The following PDZRN4 variants were observed in gnomAD, a reference collection of about 807,000 sequenced individuals.
PDZRN4 encodes PDZ domain containing ring finger 4, also known as PDZ domain-containing RING finger protein 4.
A neutral mutation model predicts 99.0 loss-of-function variants in PDZRN4; 70 were observed. The ratio of observed to expected loss-of-function variants is 0.71; its 90% CI spans 0.58 to 0.86. The LOEUF is 0.86. PDZRN4 is among the 40% of genes least tolerant of loss of function. The probability of loss-of-function intolerance (pLI) is 0.00; values close to 1 mark genes in which losing one functional copy is unlikely to be tolerated. For synonymous variants in PDZRN4, 551 were observed against 501.6 expected (o/e 1.10, Z -1.32); for missense variants, 1,474 against 1,331.2 (o/e 1.11, Z -1.67).
chr12:41,374,216 A>G (rs1459332628), intron 3 of PDZRN4, among the ~76,000 whole-genome samples: 1 of 152,174 alleles, frequency 6.6e-6, no homozygotes, highest in African/African-American at 2.4e-5. Flanking sequence ...ATGCAGGTAC[A>G]GTGAGAAATC....
At chr12:41,477,957 C>G in intron 3 of PDZRN4, 1 of 1,308,000 alleles carries the variant, frequency 7.6e-7, no homozygotes, top group Non-Finnish European at 1.1e-6. Flanking sequence ...TCATATTATT[C>G]TCTTGCTTAT....
At chr12:41,425,157 C>T (rs1006638900) in intron 3 of PDZRN4, among the ~76,000 whole-genome samples, 2 of 152,170 alleles carry the variant, frequency 1.3e-5, no homozygotes, top group African/African-American at 4.8e-5. Context: ...TTATACCAGG[C>T]AATGCAAATG....
intron 4 of PDZRN4, 34 bp from the exon 5 acceptor site, chr12:41,509,777 A>C: frequency 1.0e-6 from 1 of 972,228 alleles, no homozygotes; most frequent in Non-Finnish European, 1.6e-6. Flanking sequence ...AACCCATTTA[A>C]TCTATTCCTA....
Position 41,573,368 on chromosome 12 carries a change from C to G in PDZRN4, c.2589C>G (p.Val863=). The change falls in exon 10 of 10, where the codon GTC becomes GTG. Residue 863 remains valine (V), a synonymous_variant. Transcript: ENST00000402685. The stretch of plus-strand genomic sequence containing the variant: ...AGTTAATTCAACAGAAATCTGCAGT[C>G]GAGTATGCTCAGAGTCAGCTCAGCT... The part of the protein sequence containing the change: ...YMQLIQQKSA[V]EYAQSQLSLV... 1 of 1,613,258 alleles carries G rather than the reference C, an allele frequency of 6.2e-7. No homozygotes were observed. The highest frequency in any genetic ancestry group is 8.5e-7 in the Non-Finnish European group (1 of 1,180,016).
At chr12:41,533,064 GT>G (rs1328261255) in intron 5 of PDZRN4, among the ~76,000 whole-genome samples, 1 of 151,828 alleles carries the variant, frequency 6.6e-6, no homozygotes, top group African/African-American at 2.4e-5. Flanking sequence ...TAATAGATTT[GT>G]CAAAGTCTAC....
At chr12:41,551,343 C>T (rs942155026) in intron 5 of PDZRN4, among the ~76,000 whole-genome samples, 1 of 152,086 alleles carries the variant, frequency 6.6e-6, no homozygotes, top group African/African-American at 2.4e-5. Context: ...AAAGTCCCCA[C>T]CTCCTTGGTA....
intron 5 of PDZRN4, among the ~76,000 whole-genome samples, chr12:41,527,441 TG>T (rs1381714698): frequency 2.6e-5 from 4 of 152,166 alleles, no homozygotes; most frequent in Non-Finnish European, 5.9e-5. Flanking sequence ...GACCCATTTT[TG>T]TAGGAATTTG....
chr12:41,536,843 T>A (rs1385562605), intron 5 of PDZRN4, among the ~76,000 whole-genome samples: 1 of 152,044 alleles, frequency 6.6e-6, no homozygotes, highest in Admixed American at 6.5e-5. Context: ...TAGTATTTAC[T>A]GTTATTTTGT....
intron 3 of PDZRN4, among the ~76,000 whole-genome samples, chr12:41,361,973 G>T (rs1951966408): frequency 6.6e-6 from 1 of 151,958 alleles, no homozygotes; most frequent in South Asian, 2.1e-4. Flanking sequence ...CCATTTGTTG[G>T]CATTATCAGA....
intron 3 of PDZRN4, among the ~76,000 whole-genome samples, chr12:41,196,915 T>C (rs1011154240): frequency 6.6e-6 from 1 of 152,106 alleles, no homozygotes. Flanking sequence ...GTCATGCTGA[T>C]TTAAACCTGG....
chr12:41,408,241 G>A (rs947559454), intron 3 of PDZRN4, among the ~76,000 whole-genome samples: 3 of 152,206 alleles, frequency 2.0e-5, no homozygotes, highest in South Asian at 2.1e-4. Flanking sequence ...TTTCACCTTC[G>A]TGGAAACATT....
At chr12:41,274,250 T>C (rs1951335473) in intron 3 of PDZRN4, among the ~76,000 whole-genome samples, 1 of 152,122 alleles carries the variant, frequency 6.6e-6, no homozygotes, top group Non-Finnish European at 1.5e-5. Flanking sequence ...TATGTTTTAT[T>C]AATAACCACT....
intron 3 of PDZRN4, among the ~76,000 whole-genome samples, chr12:41,200,281 TCA>T (rs966964181): frequency 4.6e-5 from 7 of 152,162 alleles, no homozygotes; most frequent in African/African-American, 1.7e-4. Context: ...TTTCCATTTC[TCA>T]GTTTCTCTCC....
intron 7 of PDZRN4, among the ~76,000 whole-genome samples, chr12:41,560,173 A>G (rs1939245546): frequency 6.6e-6 from 1 of 152,128 alleles, no homozygotes; most frequent in Admixed American, 6.6e-5. Flanking sequence ...CTTTGTCTCC[A>G]TACTAAAATA....
intron 3 of PDZRN4, among the ~76,000 whole-genome samples, chr12:41,366,433 C>T (rs1006179148): frequency 2.6e-5 from 4 of 152,070 alleles, no homozygotes; most frequent in African/African-American, 9.7e-5. Context: ...ATGACTGCAT[C>T]TAAATATAAG....
At chr12:41,269,422 A>G (rs1197161276) in intron 3 of PDZRN4, among the ~76,000 whole-genome samples, 2 of 152,174 alleles carry the variant, frequency 1.3e-5, no homozygotes, top group Non-Finnish European at 2.9e-5. Context: ...GCAGCCCAAC[A>G]TAATTGATTC....
chr12:41,223,085 A>C (rs540919126), intron 3 of PDZRN4, among the ~76,000 whole-genome samples: 1 of 152,106 alleles, frequency 6.6e-6, no homozygotes, highest in Non-Finnish European at 1.5e-5. Flanking sequence ...TTACTTTTGC[A>C]CCAGTCTAAT....
In PDZRN4 at chr12:41,230,343, A is replaced by T. The variant is rs565833256; in HGVS notation, c.843+36155A>T. 2.4e-4 allele frequency among the ~76,000 whole-genome samples: 37 copies of T among 152,120 alleles called. No individual in the cohort carries two copies. The South Asian group carries it at 7.0e-3, about 29-fold the overall frequency. ...CCCTGACTGCCTTCCTAGCCCCTCT[A>T]CTTATCACTGGAATGTGTTCAGGCA... On this transcript the variant is annotated intron_variant, in intron 3 of 9. Coordinates refer to ENST00000402685, the MANE Select transcript of PDZRN4 (RefSeq NM_001164595.2).
At chr12:41,365,522 A>G (rs1363957340) in intron 3 of PDZRN4, among the ~76,000 whole-genome samples, 6 of 152,138 alleles carry the variant, frequency 3.9e-5, no homozygotes, top group Non-Finnish European at 7.4e-5. Flanking sequence ...ATTAATCATT[A>G]TGAAATAAAT....
Sources: allele counts gnomAD v4.1 joint callset (sites outside exome capture counted in the v4.1 genomes callset), GRCh38; gene constraint gnomAD v4.1.1; transcripts MANE v1.5; gene names NCBI Gene and HGNC (gene_info 2026-07-23, HGNC 2026-07-21).